Variants in SPAG6 observed in about 807,000 individuals in gnomAD.
The protein encoded by SPAG6 is sperm associated antigen 6.
A neutral mutation model predicts 58.5 loss-of-function variants in SPAG6; 49 were observed. The ratio of observed to expected loss-of-function variants is 0.84; its 90% CI spans 0.67 to 1.06. The LOEUF (loss-of-function observed/expected upper bound fraction) is 1.06, where lower values mean the gene tolerates loss of function less well. SPAG6 is among the 50% of genes least tolerant of loss of function. The pLI is 0.00. For missense variants in SPAG6, 560 were observed against 611.3 expected (o/e 0.92, Z 0.89); for synonymous variants, 233 against 225.6 (o/e 1.03, Z -0.29).
intron 2 of SPAG6, among the ~76,000 whole-genome samples, chr10:22,353,020 C>T (rs1002192872): frequency 2.6e-5 from 4 of 152,176 alleles, no homozygotes; most frequent in African/African-American, 7.2e-5. Context: ...AGTTCTCCTT[C>T]CCACTACATA....
At chr10:22,381,607 C>T (rs1281562177) in intron 4 of SPAG6, among the ~76,000 whole-genome samples, 1 of 151,014 alleles carries the variant, frequency 6.6e-6, no homozygotes, top group East Asian at 2.0e-4. Flanking sequence ...CTGATCTAAA[C>T]AGACAACTAG....
At chr10:22,383,932 T>C (rs1834011846) in intron 4 of SPAG6, among the ~76,000 whole-genome samples, 1 of 152,156 alleles carries the variant, frequency 6.6e-6, no homozygotes, top group Non-Finnish European at 1.5e-5. Context: ...GAAAACCATG[T>C]ACAGACACCA....
intron 2 of SPAG6, among the ~76,000 whole-genome samples, chr10:22,348,615 G>A (rs1419606987): frequency 1.3e-5 from 2 of 152,088 alleles, no homozygotes; most frequent in African/African-American, 2.4e-5. Context: ...CCCTTGTTAA[G>A]AATTTTTGAA....
intron 4 of SPAG6, among the ~76,000 whole-genome samples, chr10:22,383,309 T>C (rs1244863511): frequency 1.3e-5 from 2 of 152,220 alleles, no homozygotes; most frequent in Non-Finnish European, 1.5e-5. Context: ...CAGAGTTTTG[T>C]ATGTGTTTTG....
At chr10:22,397,352 G>T (rs1588553513) in intron 8 of SPAG6, among the ~76,000 whole-genome samples, 1 of 152,116 alleles carries the variant, frequency 6.6e-6, no homozygotes, top group African/African-American at 2.4e-5. Context: ...CTGGGCTGCT[G>T]CCCAGGCTGG....
chr10:22,407,701 G>A (rs1834595343), intron 9 of SPAG6, among the ~76,000 whole-genome samples: 1 of 152,102 alleles, frequency 6.6e-6, no homozygotes, highest in Non-Finnish European at 1.5e-5. Context: ...CTAGATTGGG[G>A]AAGTTCTCCT....
intron 2 of SPAG6, chr10:22,360,779 G>A: frequency 6.5e-7 from 1 of 1,527,080 alleles, no homozygotes; most frequent in Non-Finnish European, 8.8e-7. Flanking sequence ...CAGATATTGT[G>A]GCAACTATTC....
chr10:22,352,779 G>C (rs1836767030), intron 2 of SPAG6, among the ~76,000 whole-genome samples: 1 of 152,156 alleles, frequency 6.6e-6, no homozygotes. Flanking sequence ...AAAGTGCTGG[G>C]ATTACAGGCA....
At position 22,394,955 on chromosome 10, in the gene SPAG6, C is replaced by T. The variant is rs541901519; in HGVS notation, c.1197+3035C>T. 8.5e-5 allele frequency among the ~76,000 whole-genome samples: 13 copies of T among 152,238 alleles called. No homozygotes were observed. The South Asian group carries it at 2.7e-3, about 32-fold the overall frequency. On this transcript the variant is annotated intron_variant, in intron 8 of 10. Coordinates refer to ENST00000376624, the MANE Select transcript of SPAG6 (RefSeq NM_012443.4). ...TGAACTCCTGGCCTCAAGCAGTCCC[C>T]CACCTTGACCTCCCAAAGCACTGGG...
chr10:22,381,512 CTT>C (rs763482152), intron 4 of SPAG6, among the ~76,000 whole-genome samples: 16 of 140,478 alleles, frequency 1.1e-4, no homozygotes, highest in Admixed American at 2.9e-4. Context: ...ACTCCCCGAC[CTT>C]TTTTTTTTTT....
At chr10:22,381,521 T>A (rs1833955465) in intron 4 of SPAG6, among the ~76,000 whole-genome samples, 1 of 151,950 alleles carries the variant, frequency 6.6e-6, no homozygotes, top group South Asian at 2.1e-4. Flanking sequence ...CCTTTTTTTT[T>A]TTTTTTTAAA....
At chr10:22,407,533 G>C (rs1048662880) in intron 9 of SPAG6, among the ~76,000 whole-genome samples, 18 of 152,138 alleles carry the variant, frequency 1.2e-4, no homozygotes, top group African/African-American at 1.7e-4. Flanking sequence ...GCTTCCCTTT[G>C]TGGGTAACCT....
At chr10:22,377,309 A>G (rs1588652075) in intron 4 of SPAG6, among the ~76,000 whole-genome samples, 1 of 152,198 alleles carries the variant, frequency 6.6e-6, no homozygotes, top group Admixed American at 6.5e-5. Flanking sequence ...CTGGACAGCA[A>G]CTTTGTAATT....
chr10:22,389,104 G>A (rs560316420), intron 6 of SPAG6, 56 bp from the exon 7 acceptor site: 1 of 1,509,204 alleles, frequency 6.6e-7, no homozygotes, highest in Admixed American at 1.7e-5. Flanking sequence ...ATATTAAACT[G>A]TATTTAAAGA....
chr10:22,406,136 C>T (rs1329909451), intron 9 of SPAG6, among the ~76,000 whole-genome samples: 1 of 152,102 alleles, frequency 6.6e-6, no homozygotes, highest in African/African-American at 2.4e-5. Flanking sequence ...TCTCTATTTC[C>T]TTCAGTTCTG....
At chr10:22,361,658 C>T (rs1244092856) in intron 2 of SPAG6, among the ~76,000 whole-genome samples, 1 of 151,994 alleles carries the variant, frequency 6.6e-6, no homozygotes, top group East Asian at 1.9e-4. Flanking sequence ...ATGGTGCCAG[C>T]CTGGGTGACA....
intron 8 of SPAG6, among the ~76,000 whole-genome samples, chr10:22,394,787 G>A (rs1399279459): frequency 6.6e-6 from 1 of 152,136 alleles, no homozygotes; most frequent in East Asian, 1.9e-4. Context: ...ACTCATTGAA[G>A]CCTTGAACTC....
chr10:22,365,353 A>C (rs1453107818), intron 3 of SPAG6, among the ~76,000 whole-genome samples: 2 of 152,212 alleles, frequency 1.3e-5, no homozygotes, highest in Admixed American at 1.3e-4. Flanking sequence ...TGATCTCAGC[A>C]GTCCTTATAT....
At position 22,364,975 on chromosome 10, in the gene SPAG6, T is replaced by A; in HGVS notation, c.244T>A (p.Cys82Ser). 6.2e-7 allele frequency: 1 copy of A among 1,612,342 alleles called. No homozygotes were observed. The change falls in exon 3 of 11, where the codon TGC becomes AGC. Residue 82 changes from cysteine (C) to serine (S), a missense_variant. Coordinates refer to ENST00000376624, the MANE Select transcript of SPAG6 (RefSeq NM_012443.4). ...TGACCTAGCAGAAGCTGTTGTGAAG[T>A]GCGACATTCTTCCACAGCTTGTTTA... ...NDDLAEAVVK[C>S]DILPQLVYSL...
Sources: allele counts gnomAD v4.1 joint callset (sites outside exome capture counted in the v4.1 genomes callset), GRCh38; gene constraint gnomAD v4.1.1; transcripts MANE v1.5; gene names NCBI Gene and HGNC (gene_info 2026-07-23, HGNC 2026-07-21).